CTNNA3: variants seen among roughly 807,000 people sequenced by gnomAD.
CTNNA3 encodes catenin alpha 3, also known as catenin alpha-3.
CTNNA3 carries 76 observed loss-of-function variants against 95.7 expected under a neutral mutation model. That is an observed-to-expected ratio of 0.79 (90% confidence interval 0.66 to 0.96). CTNNA3 has a LOEUF of 0.96. CTNNA3 is among the 40% of genes least tolerant of loss of function. The pLI is 0.00. For missense variants in CTNNA3, 1,191 were observed against 1,089.8 expected (o/e 1.09, Z -1.31); for synonymous variants, 431 against 374.4 (o/e 1.15, Z -1.74).
At chr10:67,030,534 A>C (rs1853650050) in intron 7 of CTNNA3, among the ~76,000 whole-genome samples, 1 of 151,760 alleles carries the variant, frequency 6.6e-6, no homozygotes, top group South Asian at 2.1e-4. Context: ...AAGTGCCCCA[A>C]AGGAGTGATT....
At chr10:67,718,670 G>A (rs1194749041) in intron 1 of CTNNA3, among the ~76,000 whole-genome samples, 1 of 152,168 alleles carries the variant, frequency 6.6e-6, no homozygotes, top group African/African-American at 2.4e-5. Context: ...CTTGATTGTG[G>A]TAGATAAGCT....
intron 15 of CTNNA3, among the ~76,000 whole-genome samples, chr10:65,990,572 A>T (rs73306088): frequency 0.03 from 4,536 of 150,758 alleles, 89 homozygotes; most frequent in Middle Eastern, 0.092. Context: ...TTTTGATGGG[A>T]TTATTATTAT....
At chr10:67,218,027 A>G (rs146199002) in intron 6 of CTNNA3, among the ~76,000 whole-genome samples, 1 of 152,314 alleles carries the variant, frequency 6.6e-6, no homozygotes, top group East Asian at 1.9e-4. Flanking sequence ...GGTATATATG[A>G]AATATAAATG....
At chr10:66,173,543 C>G (rs1386707231) in intron 13 of CTNNA3, among the ~76,000 whole-genome samples, 8 of 151,790 alleles carry the variant, frequency 5.3e-5, no homozygotes, top group Non-Finnish European at 1.2e-4. Flanking sequence ...ATTAGCCAGG[C>G]ATGGTGGTAT....
At chr10:66,978,552 A>ATATATATATATATATATAT (rs1197845049) in intron 7 of CTNNA3, among the ~76,000 whole-genome samples, 4 of 37,866 alleles carry the variant, frequency 1.1e-4, no homozygotes, top group Admixed American at 9.7e-4. Flanking sequence ...AAAAAAAAAA[A>ATATATATATATATATATAT]ATATATATAT....
intron 10 of CTNNA3, among the ~76,000 whole-genome samples, chr10:66,551,468 G>C (rs1273535257): frequency 2.0e-5 from 3 of 152,062 alleles, no homozygotes; most frequent in Non-Finnish European, 4.4e-5. Context: ...TTTGGGGTTT[G>C]CTGAGCTTCT....
chr10:67,086,653 A>G (rs1564881648), intron 7 of CTNNA3, among the ~76,000 whole-genome samples: 1 of 152,040 alleles, frequency 6.6e-6, no homozygotes, highest in Admixed American at 6.6e-5. Context: ...GTGGGCTATT[A>G]GAAGTCATGA....
intron 9 of CTNNA3, among the ~76,000 whole-genome samples, chr10:66,667,694 G>A (rs1846505362): frequency 6.6e-6 from 1 of 152,196 alleles, no homozygotes; most frequent in South Asian, 2.1e-4. Flanking sequence ...ATAATTCTGT[G>A]CTGGCTCACT....
intron 13 of CTNNA3, among the ~76,000 whole-genome samples, chr10:66,151,873 G>T (rs527240997): frequency 6.6e-6 from 1 of 152,020 alleles, no homozygotes; most frequent in South Asian, 2.1e-4. Flanking sequence ...CTTAATCATT[G>T]ATTTAACTAG....
chr10:67,423,145 C>G (rs772006240), intron 5 of CTNNA3, among the ~76,000 whole-genome samples: 4 of 152,052 alleles, frequency 2.6e-5, no homozygotes, highest in Admixed American at 6.6e-5. Context: ...GTTGTTTTAC[C>G]TGCTAGCATC....
chr10:66,982,124 C>A (rs984248886), intron 7 of CTNNA3, among the ~76,000 whole-genome samples: 2 of 152,130 alleles, frequency 1.3e-5, no homozygotes, highest in African/African-American at 4.8e-5. Flanking sequence ...CTAGCATAGA[C>A]CAAGATCTTA....
intron 2 of CTNNA3, among the ~76,000 whole-genome samples, chr10:67,630,803 C>CA (rs889943676): frequency 1.6e-4 from 24 of 150,954 alleles, no homozygotes; most frequent in Non-Finnish European, 5.9e-5. Flanking sequence ...CTTTGCCCTT[C>CA]AAAAAAAAAC....
rs536715603 is a variant in CTNNA3 at position 66,299,882 on chromosome 10, T to C, written c.1733-19261A>G. The stretch of plus-strand genomic sequence containing the variant: ...TAATATACATCCAGAAATAGTAAAA[T>C]ACAATGAGGAAATTTTTTTTCTTTT... On this transcript the variant is annotated intron_variant, in intron 12 of 17. Transcript: ENST00000433211. Among the ~76,000 whole-genome samples, 5 of 151,678 alleles carry C rather than the reference T, an allele frequency of 3.3e-5. No individual in the cohort carries two copies. The East Asian group carries it at 9.7e-4, about 29-fold the overall frequency.
intron 11 of CTNNA3, among the ~76,000 whole-genome samples, chr10:66,461,770 T>C (rs899166551): frequency 4.6e-5 from 7 of 151,364 alleles, no homozygotes; most frequent in African/African-American, 1.7e-4. Context: ...AAGAGTGCTC[T>C]TCTCTTCCTT....
At chr10:65,965,399 T>C (rs201468280) in intron 17 of CTNNA3, among the ~76,000 whole-genome samples, 3 of 122,124 alleles carry the variant, frequency 2.5e-5, no homozygotes, top group Non-Finnish European at 5.1e-5. Flanking sequence ...TCTACTTTTT[T>C]TTTTTTTTTT....
chr10:66,379,531 A>G (rs537391229), intron 11 of CTNNA3, among the ~76,000 whole-genome samples, 179 bp from the exon 12 acceptor site: 43 of 152,200 alleles, frequency 2.8e-4, no homozygotes, highest in Non-Finnish European at 5.9e-4. Flanking sequence ...TTATTCTTTA[A>G]TAGCAAAATC....
At chr10:66,482,056 G>T (rs1248613704) in intron 11 of CTNNA3, among the ~76,000 whole-genome samples, 2 of 152,044 alleles carry the variant, frequency 1.3e-5, no homozygotes, top group Non-Finnish European at 2.9e-5. Flanking sequence ...GTATGTATTG[G>T]GGGAGGAAGA....
At chr10:67,185,300 A>G (rs565279830) in intron 6 of CTNNA3, among the ~76,000 whole-genome samples, 4 of 151,628 alleles carry the variant, frequency 2.6e-5, no homozygotes, top group Non-Finnish European at 4.4e-5. Flanking sequence ...GCTAATTTTT[A>G]TATTTTTAGT....
chr10:66,000,416 T>C (rs998096947), intron 15 of CTNNA3, among the ~76,000 whole-genome samples: 4 of 152,168 alleles, frequency 2.6e-5, no homozygotes, highest in Non-Finnish European at 5.9e-5. Flanking sequence ...ATACCAAATG[T>C]TTTCATAGAG....
Sources: gnomAD v4.1 joint callset for allele counts (sites outside exome capture counted in the v4.1 genomes callset) on GRCh38, gnomAD v4.1.1 for gene constraint, MANE v1.5 for transcripts, NCBI Gene and HGNC (gene_info 2026-07-23, HGNC 2026-07-21) for gene names.